The following XKR4 variants were observed in gnomAD, a reference collection of about 807,000 sequenced individuals.
XKR4 encodes the protein XK-related protein 4.
XKR4 carries 12 observed loss-of-function variants against 53.9 expected under a neutral mutation model. The observed-to-expected ratio is 0.22, with a 90% CI of 0.14 to 0.36. XKR4 has a LOEUF of 0.36. Among genes scored for constraint, XKR4 ranks in the 10% least tolerant of loss-of-function variants. The probability of loss-of-function intolerance (pLI) is 1.00; values close to 1 mark genes in which losing one functional copy is unlikely to be tolerated. For synonymous variants in XKR4, 354 were observed against 362.4 expected (o/e 0.98, Z 0.26); for missense variants, 799 against 859.5 (o/e 0.93, Z 0.88).
rs547974422 is a variant in XKR4 at position 55,365,248 on chromosome 8, C to T, written c.1006+7371C>T. Among the ~76,000 whole-genome samples the T allele has an allele frequency of 5.6e-3, 854 of 152,336 alleles. 3 individuals are homozygous for T. Among genetic ancestry groups the T allele is most frequent in the African/African-American group, 0.016 (679 of 41,582 alleles). Reference sequence around the variant, plus strand: ...CGCGCTGGCTGCCGCTGGCCCTTCACGCACGACGTTCACTAGGGTGGCACG... The same window carrying T: ...CGCGCTGGCTGCCGCTGGCCCTTCATGCACGACGTTCACTAGGGTGGCACG... On this transcript the variant is annotated intron_variant, in intron 2 of 2. Coordinates refer to ENST00000327381, the MANE Select transcript of XKR4 (RefSeq NM_052898.2).
chr8:55,492,771 A>C (rs1191689803), intron 2 of XKR4, among the ~76,000 whole-genome samples: 1 of 152,198 alleles, frequency 6.6e-6, no homozygotes, highest in Non-Finnish European at 1.5e-5. Context: ...AAGGCCTTTA[A>C]ATTCCATGGA....
chr8:55,224,269 G>A (rs969931919), intron 1 of XKR4, among the ~76,000 whole-genome samples: 4 of 152,008 alleles, frequency 2.6e-5, no homozygotes, highest in African/African-American at 7.2e-5. Flanking sequence ...CCAATTAATC[G>A]AGTCCAGTTT....
intron 1 of XKR4, among the ~76,000 whole-genome samples, chr8:55,318,177 G>C (rs1012528112): frequency 6.6e-6 from 1 of 152,080 alleles, no homozygotes; most frequent in African/African-American, 2.4e-5. Flanking sequence ...TATCTTGCAA[G>C]TATCTTCCTA....
rs35390370 is a variant in XKR4, at chr8:55,420,797, G to GATAA, written c.1006+62946_1006+62949dup. On this transcript the variant is annotated intron_variant, in intron 2 of 2. Coordinates refer to ENST00000327381, the MANE Select transcript of XKR4 (RefSeq NM_052898.2). The stretch of plus-strand genomic sequence containing the variant: ...ACTTAAAGTATAATAATAATAAATA[G>GATAA]ATAAATAAATAAATAAATAAATAAA... 6.6e-3 allele frequency among the ~76,000 whole-genome samples: 981 copies of GATAA among 148,886 alleles called. 11 individuals carry two copies. Among genetic ancestry groups the GATAA allele is most frequent in the African/African-American group, 0.017 (701 of 40,650 alleles).
At chr8:55,518,175 A>C (rs1053317492) in intron 2 of XKR4, among the ~76,000 whole-genome samples, 1 of 152,190 alleles carries the variant, frequency 6.6e-6, no homozygotes, top group African/African-American at 2.4e-5. Context: ...GGGGATTTCC[A>C]CGAATTCTTG....
At chr8:55,386,218 G>A (rs1344412434) in intron 2 of XKR4, among the ~76,000 whole-genome samples, 1 of 152,112 alleles carries the variant, frequency 6.6e-6, no homozygotes, top group Non-Finnish European at 1.5e-5. Context: ...CTGGGATCAG[G>A]GGAGAGTCTT....
intron 2 of XKR4, among the ~76,000 whole-genome samples, chr8:55,490,048 A>G (rs532441573): frequency 6.6e-6 from 1 of 150,422 alleles, no homozygotes; most frequent in Non-Finnish European, 1.5e-5. Flanking sequence ...TTGGAGATCC[A>G]TTTTATATTT....
intron 1 of XKR4, among the ~76,000 whole-genome samples, chr8:55,134,504 A>G (rs558050026): frequency 1.3e-5 from 2 of 152,362 alleles, no homozygotes; most frequent in South Asian, 4.1e-4. Context: ...AACTACGTTC[A>G]TTCATGCATT....
rs1296957832 is a variant in XKR4 at position 55,457,192 on chromosome 8, G to T, written c.1007-66089G>T. Among the ~76,000 whole-genome samples the T allele has an allele frequency of 2.8e-5, 4 of 141,432 alleles. No individual in the cohort carries two copies. In the East Asian group the frequency reaches 6.3e-4, roughly 22 times the overall value. The allele number at this position is 141,432 out of a possible 152,430, so 92.8% of individuals were successfully genotyped here. On this transcript the variant is annotated intron_variant, in intron 2 of 2. Transcript: ENST00000327381. ...GAGTCTTGCTCTGTCACCCAGACTG[G>T]AGTGCAGTGGCACGATCTCTGCTCA...
chr8:55,451,569 T>C, intron 2 of XKR4: 4 of 1,185,440 alleles, frequency 3.4e-6, no homozygotes, highest in South Asian at 2.8e-5. Flanking sequence ...GCAGCAGTAC[T>C]GCCTTGGACC....
chr8:55,166,978 C>T (rs1817077754), intron 1 of XKR4, among the ~76,000 whole-genome samples: 1 of 152,156 alleles, frequency 6.6e-6, no homozygotes, highest in African/African-American at 2.4e-5. Context: ...GAAGGTGAGA[C>T]ATTTAAAGCT....
chr8:55,304,222 G>C (rs1244879631), intron 1 of XKR4, among the ~76,000 whole-genome samples: 1 of 152,208 alleles, frequency 6.6e-6, no homozygotes, highest in African/African-American at 2.4e-5. Context: ...TGGTTTCAAA[G>C]AACATCGTTA....
intron 1 of XKR4, among the ~76,000 whole-genome samples, chr8:55,332,591 T>G (rs1803397877): frequency 6.6e-6 from 1 of 152,018 alleles, no homozygotes; most frequent in African/African-American, 2.4e-5. Context: ...AGTTGACAGT[T>G]TTTTCCCCCT....
At chr8:55,211,324 A>C (rs1055022725) in intron 1 of XKR4, among the ~76,000 whole-genome samples, 4 of 152,246 alleles carry the variant, frequency 2.6e-5, no homozygotes, top group African/African-American at 9.6e-5. Flanking sequence ...AAAGAAGAGG[A>C]AAATTTCATT....
chr8:55,179,544 G>C (rs980371872), intron 1 of XKR4, among the ~76,000 whole-genome samples: 1 of 152,214 alleles, frequency 6.6e-6, no homozygotes, highest in Admixed American at 6.5e-5. Context: ...AATAGCCGAA[G>C]TGTATTAATC....
At chr8:55,244,247 C>T (rs1164786846) in intron 1 of XKR4, among the ~76,000 whole-genome samples, 1 of 152,178 alleles carries the variant, frequency 6.6e-6, no homozygotes, top group Non-Finnish European at 1.5e-5. Context: ...GACCCCATGT[C>T]TCTTGTTCCT....
chr8:55,365,277 A>T (rs1019920939), intron 2 of XKR4, among the ~76,000 whole-genome samples: 1 of 152,248 alleles, frequency 6.6e-6, no homozygotes, highest in South Asian at 2.1e-4. Context: ...TGGCACGCAC[A>T]GTCTTCCAGT....
intron 1 of XKR4, among the ~76,000 whole-genome samples, chr8:55,239,275 CTTG>C (rs960692987): frequency 2.0e-5 from 3 of 152,164 alleles, no homozygotes; most frequent in African/African-American, 7.2e-5. Context: ...CATGAAGTAT[CTTG>C]TTGTTTGGTC....
In XKR4 at chr8:55,529,699, C is replaced by T. The variant is rs142154644; in HGVS notation, c.*5472C>T. On this transcript the variant is annotated 3_prime_UTR_variant, in exon 3 of 3. Coordinates refer to ENST00000327381, the MANE Select transcript of XKR4 (RefSeq NM_052898.2). Reference sequence around the variant, plus strand: ...ACTGCGACTTCTGGGAGCCCAGTGACTCTTCCCACAAAATCTAGTCCTGAT... The same window carrying T: ...ACTGCGACTTCTGGGAGCCCAGTGATTCTTCCCACAAAATCTAGTCCTGAT... The T allele has an allele frequency of 2.1e-3, 322 of 152,338 alleles. 1 individual carries two copies. The highest frequency in any genetic ancestry group is 7.3e-3 in the African/African-American group (302 of 41,570). 9.4% of individuals were successfully genotyped at this position (152,338 alleles called of 1,614,324 possible).
Sources: gnomAD v4.1 joint callset for allele counts (sites outside exome capture counted in the v4.1 genomes callset) on GRCh38, gnomAD v4.1.1 for gene constraint, MANE v1.5 for transcripts, NCBI Gene and HGNC (gene_info 2026-07-23, HGNC 2026-07-21) for gene names.